The following SPATA6 variants were observed in gnomAD, a reference collection of about 807,000 sequenced individuals.
SPATA6 encodes the protein spermatogenesis associated 6.
A neutral mutation model predicts 65.3 loss-of-function variants in SPATA6; 56 were observed. The observed-to-expected ratio is 0.86, with a 90% CI of 0.69 to 1.07. The LOEUF (loss-of-function observed/expected upper bound fraction) is 1.07. SPATA6 is among the 50% of genes least tolerant of loss of function. The pLI, the probability that SPATA6 is intolerant of heterozygous loss-of-function variation, is 0.00. For missense variants in SPATA6, 590 were observed against 594.8 expected, an observed-to-expected ratio of 0.99 and a Z score of 0.08; for synonymous variants, 199 against 213.2, an observed-to-expected ratio of 0.93 and a Z score of 0.58.
intron 11 of SPATA6, among the ~76,000 whole-genome samples, chr1:48,349,662 A>G (rs1367257493): frequency 1.3e-5 from 2 of 151,938 alleles, no homozygotes; most frequent in African/African-American, 4.8e-5. Flanking sequence ...TGTAGTCAAC[A>G]TCTTCTGTCC....
rs544460697 is a variant in SPATA6, at chr1:48,454,039, T to C, written c.52-908A>G. ...TTTTTTTTTAGATGGGGTCTCGCTC[T>C]GTCACCCAGGCTGGAGTGCACTTAT... On this transcript the variant is annotated intron_variant, in intron 1 of 12. Coordinates refer to ENST00000371847, the MANE Select transcript of SPATA6 (RefSeq NM_019073.4). Among the ~76,000 whole-genome samples, 8 of 151,446 alleles carry C rather than the reference T, an allele frequency of 5.3e-5. No individual in the cohort carries two copies. In the South Asian group the frequency reaches 1.7e-3, roughly 32 times the overall value.
At chr1:48,426,843 CTACAT>C in intron 3 of SPATA6, among the ~76,000 whole-genome samples, 1 of 150,888 alleles carries the variant, frequency 6.6e-6, no homozygotes, top group Non-Finnish European at 1.5e-5. Flanking sequence ...AACTGAAGAA[CTACAT>C]TAATCAAAAT....
At chr1:48,261,440 G>T in the SPATA6 span, among the ~76,000 whole-genome samples, 2 of 152,110 alleles carry the variant, frequency 1.3e-5, no homozygotes, top group East Asian at 3.9e-4. Flanking sequence ...CTATTACGAA[G>T]AATGTAAAAC....
chr1:48,401,497 C>G (rs1258053758), intron 6 of SPATA6, among the ~76,000 whole-genome samples: 1 of 152,030 alleles, frequency 6.6e-6, no homozygotes, highest in South Asian at 2.1e-4. Context: ...AATGGACTGA[C>G]CATGTGACTT....
At chr1:48,355,820 T>C (rs185996759) in intron 10 of SPATA6, 51 bp from the exon 11 acceptor site, 3 of 1,431,218 alleles carry the variant, frequency 2.1e-6, no homozygotes, top group East Asian at 2.3e-5. Flanking sequence ...AGGTAATGAT[T>C]CTAAGCTATA....
At chr1:48,372,206 C>T (rs1252318806) in intron 9 of SPATA6, among the ~76,000 whole-genome samples, 1 of 152,152 alleles carries the variant, frequency 6.6e-6, no homozygotes, top group Non-Finnish European at 1.5e-5. Flanking sequence ...GTCCCTTCTG[C>T]CTATGAGCCT....
chr1:48,357,243 TTTATA>T (rs1646686768), intron 10 of SPATA6, among the ~76,000 whole-genome samples: 1 of 152,086 alleles, frequency 6.6e-6, no homozygotes, highest in Non-Finnish European at 1.5e-5. Flanking sequence ...TCACACAAAT[TTTATA>T]TTATAATATT....
intron 7 of SPATA6, among the ~76,000 whole-genome samples, chr1:48,398,342 T>C (rs896976041): frequency 6.6e-6 from 1 of 151,702 alleles, no homozygotes; most frequent in East Asian, 1.9e-4. Flanking sequence ...AAATGTTGCT[T>C]AAGACAATAT....
intron 6 of SPATA6, 102 bp from the exon 7 acceptor site, chr1:48,399,746 A>G (rs947248507): frequency 3.7e-6 from 4 of 1,078,110 alleles, no homozygotes; most frequent in Non-Finnish European, 5.2e-6. Context: ...CGCAAAATCT[A>G]TCAAAGCCAA....
intron 3 of SPATA6, among the ~76,000 whole-genome samples, chr1:48,439,667 G>GT (rs1655283940): frequency 6.6e-6 from 1 of 151,862 alleles, no homozygotes; most frequent in African/African-American, 2.4e-5. Flanking sequence ...AACCACCGGC[G>GT]TTTTTTTCTT....
In SPATA6 at chr1:48,453,008, T is replaced by C. The variant is rs1656711301; in HGVS notation, c.175A>G (p.Met59Val). The change falls in exon 2 of 13, where the codon ATG (methionine) becomes GTG (valine). Residue 59 changes from methionine to valine, a missense_variant. Physicochemically the swap from Met to Val is conservative, Grantham distance 21 (BLOSUM62 1). Coordinates refer to ENST00000371847, the MANE Select transcript of SPATA6 (RefSeq NM_019073.4). ...TTTGAACTCACCTTTTCAAACACCA[T>C]TCTGGCATTGAAGACCAGGGGAAAA... Reference protein sequence around the residue: ...ATFPLVFNARMVFEKVFPDAV... With the variant: ...ATFPLVFNARVVFEKVFPDAV... 1 of 1,613,268 alleles carries C rather than the reference T, an allele frequency of 6.2e-7. No homozygotes were observed. The highest frequency in any genetic ancestry group is 1.7e-5 in the Admixed American group (1 of 59,852).
chr1:48,432,136 A>G (rs2148061946), intron 3 of SPATA6, among the ~76,000 whole-genome samples: 1 of 152,226 alleles, frequency 6.6e-6, no homozygotes, highest in Admixed American at 6.5e-5. Flanking sequence ...ATAATAAAAA[A>G]GACCTCAAAT....
chr1:48,453,228 C>A, intron 1 of SPATA6, 97 bp from the exon 2 acceptor site: 1 of 1,277,368 alleles, frequency 7.8e-7, no homozygotes, highest in South Asian at 1.7e-5. Context: ...AAACATTAGT[C>A]TGGTAATCTA....
intron 11 of SPATA6, among the ~76,000 whole-genome samples, chr1:48,310,636 C>A (rs115084499): frequency 4.6e-5 from 7 of 151,976 alleles, no homozygotes; most frequent in Non-Finnish European, 1.0e-4. Flanking sequence ...GTGTACAGTT[C>A]GAAGACAGCA....
intron 8 of SPATA6, among the ~76,000 whole-genome samples, chr1:48,388,952 C>G (rs1326100859): frequency 6.6e-6 from 1 of 152,034 alleles, no homozygotes; most frequent in African/African-American, 2.4e-5. Context: ...ATGGTGTGAT[C>G]TTTGCTCATT....
rs144257007 is a variant in SPATA6, at chr1:48,406,219, C to A, written c.406-2337G>T. 2.6e-5 allele frequency among the ~76,000 whole-genome samples: 4 copies of A among 152,114 alleles called. No individual in the cohort carries two copies. In the East Asian group the frequency reaches 7.8e-4, roughly 29 times the overall value. The stretch of plus-strand genomic sequence containing the variant: ...TCCAGCCTGGGTGACAAAGAAAGAC[C>A]CTGTCTCAAAAACAAAACAAAACAA... On this transcript the variant is annotated intron_variant, in intron 5 of 12. Transcript: ENST00000371847.
chr1:48,365,932 GT>G (rs1646992738), intron 9 of SPATA6, among the ~76,000 whole-genome samples: 1 of 152,164 alleles, frequency 6.6e-6, no homozygotes, highest in Admixed American at 6.5e-5. Flanking sequence ...CTGTGGGTTT[GT>G]CATAGATAGC....
chr1:48,393,307 GA>G (rs1256192059), intron 8 of SPATA6: 1 of 151,994 alleles, frequency 6.6e-6, no homozygotes, highest in Non-Finnish European at 1.5e-5. Context: ...TATTCTGGAG[GA>G]AAATAAATAA....
At chr1:48,431,558 T>C (rs1654405553) in intron 3 of SPATA6, among the ~76,000 whole-genome samples, 1 of 152,150 alleles carries the variant, frequency 6.6e-6, no homozygotes, top group Non-Finnish European at 1.5e-5. Context: ...TTAATAGATT[T>C]AGGAAGATGG....
Sources: allele counts gnomAD v4.1 joint callset (sites outside exome capture counted in the v4.1 genomes callset), GRCh38; gene constraint gnomAD v4.1.1; transcripts MANE v1.5; gene names NCBI Gene and HGNC (gene_info 2026-07-23, HGNC 2026-07-21).